The following NMBR variants were observed in gnomAD, a reference collection of about 807,000 sequenced individuals.
The protein encoded by NMBR is neuromedin-B receptor.
In NMBR, 16 loss-of-function variants were observed where a neutral mutation model predicts 20.5. The observed-to-expected ratio is 0.78, with a 90% CI of 0.53 to 1.19. NMBR has a LOEUF of 1.19. NMBR is among the 50% of genes most tolerant of loss of function. NMBR has a pLI of 0.00. For synonymous variants in NMBR, 212 were observed against 196.6 expected, an observed-to-expected ratio of 1.08 and a Z score of -0.65; for missense variants, 582 against 499.1, an observed-to-expected ratio of 1.17 and a Z score of -1.58.
In NMBR at chr6:142,141,478, C is replaced by T. The variant is rs76345775; in HGVS notation, c.-664+5566G>A. On this transcript the variant is annotated intron_variant, in intron 1 of 3. Transcript: ENST00000258042. Reference sequence around the variant, plus strand: ...AAAAGAAGTTATATTGTGATTTTAACTGCTCACTTTCTGAAGTTGTGTTGC... The same window carrying T: ...AAAAGAAGTTATATTGTGATTTTAATTGCTCACTTTCTGAAGTTGTGTTGC... Among the ~76,000 whole-genome samples the T allele has an allele frequency of 9.1e-3, 1,385 of 151,582 alleles. 31 individuals are homozygous for T. The highest frequency in any genetic ancestry group is 0.032 in the African/African-American group (1,311 of 41,386).
chr6:142,081,461 G>T (rs1305125803), intron 2 of NMBR, among the ~76,000 whole-genome samples: 1 of 152,114 alleles, frequency 6.6e-6, no homozygotes, highest in East Asian at 1.9e-4. Context: ...CAGCAAGGAG[G>T]ATTATGAGCC....
chr6:142,112,349 G>A (rs919075766), intron 1 of NMBR, among the ~76,000 whole-genome samples: 3 of 152,162 alleles, frequency 2.0e-5, no homozygotes, highest in Non-Finnish European at 4.4e-5. Context: ...TGCAGCATAT[G>A]TCAGGAAAGC....
intron 1 of NMBR, among the ~76,000 whole-genome samples, chr6:142,096,039 C>T (rs1205004203): frequency 2.0e-5 from 3 of 151,946 alleles, no homozygotes; most frequent in Non-Finnish European, 4.4e-5. Flanking sequence ...TGATTCTTCT[C>T]TCTTTTCTTC....
At position 142,078,790 on chromosome 6, in the gene NMBR, G is replaced by A. The variant is rs570950524; in HGVS notation, c.536C>T (p.Ala179Val). The change falls in exon 3 of 4, where the codon GCG becomes GTG. Residue 179 changes from alanine (A) to valine (V), a missense_variant. Transcript: ENST00000258042. ...VVSVLLAVPE[A>V]VFSEVARISS... ...GATGCGAGCCACTTCTGAAAACACC[G>A]CTTCGGGAACTGCCAGCAACACGGA... 1.7e-5 allele frequency: 27 copies of A among 1,613,780 alleles called. No homozygotes were observed. The highest frequency in any genetic ancestry group is 3.3e-5 in the South Asian group (3 of 91,048).
At chr6:142,116,152 G>GT (rs1451673187) in intron 1 of NMBR, among the ~76,000 whole-genome samples, 1 of 151,842 alleles carries the variant, frequency 6.6e-6, no homozygotes, top group Non-Finnish European at 1.5e-5. Context: ...ATTTGGTACT[G>GT]TAAGTCCAAT....
rs183969136 is a variant in NMBR at position 142,127,851 on chromosome 6, T to C, written c.-664+19193A>G. Reference sequence around the variant, plus strand: ...TGTGTTGATTTTGTGTCCTGCAACTTTACTGAATTCATTTGTTAGTTCTAA... The same window carrying C: ...TGTGTTGATTTTGTGTCCTGCAACTCTACTGAATTCATTTGTTAGTTCTAA... On this transcript the variant is annotated intron_variant, in intron 1 of 3. Coordinates refer to ENST00000258042, the MANE Select transcript of NMBR (RefSeq NM_002511.4). Among the ~76,000 whole-genome samples, 60 of 152,210 alleles carry C rather than the reference T, an allele frequency of 3.9e-4. No individual in the cohort carries two copies. The East Asian group carries it at 4.8e-3, about 12-fold the overall frequency.
chr6:142,136,739 T>A (rs1309396859), intron 1 of NMBR, among the ~76,000 whole-genome samples: 1 of 152,202 alleles, frequency 6.6e-6, no homozygotes, highest in Non-Finnish European at 1.5e-5. Context: ...CCAGCACCAT[T>A]TATTAAATAG....
At chr6:142,122,730 C>T (rs996804587) in intron 1 of NMBR, among the ~76,000 whole-genome samples, 8 of 151,872 alleles carry the variant, frequency 5.3e-5, no homozygotes, top group South Asian at 4.1e-4. Context: ...TCTACTCTGC[C>T]TGCATTCTAT....
At chr6:142,099,680 GA>G (rs891687167) in intron 1 of NMBR, among the ~76,000 whole-genome samples, 32 of 151,930 alleles carry the variant, frequency 2.1e-4, no homozygotes, top group South Asian at 4.2e-4. Context: ...GATAATCCAA[GA>G]AAAAAATAAT....
At chr6:142,144,641 A>C (rs1778402338) in intron 1 of NMBR, among the ~76,000 whole-genome samples, 1 of 152,204 alleles carries the variant, frequency 6.6e-6, no homozygotes, top group South Asian at 2.1e-4. Context: ...AACAAGAAAA[A>C]GCAACCTCAC....
rs139984675 is a variant in NMBR at position 142,088,398 on chromosome 6, G to T, written c.261C>A (p.Ala87=). The change falls in exon 2 of 4, where the codon GCC becomes GCA. Residue 87 remains alanine, a synonymous_variant. Coordinates refer to ENST00000258042, the MANE Select transcript of NMBR (RefSeq NM_002511.4). ...AGGTGAGCAGCAGCAGCAAGTCCCC[G>T]GCCGCCAGGTTAGAGATGAAGATGT... ...VPNIFISNLA[A]GDLLLLLTCV... is the part of the protein sequence containing the mutation. The T allele has an allele frequency of 2.5e-6, 4 of 1,614,086 alleles. No individual in the cohort carries two copies. The highest frequency in any genetic ancestry group is 1.7e-5 in the Admixed American group (1 of 60,012).
rs779548798 is a variant in NMBR at position 142,078,739 on chromosome 6, G to C, written c.587C>G (p.Thr196Arg). ...TGTTTGAGGGTATGGGATACATGCT[G>C]TGAAGCTGCTATTATCCAAGCTACT... ...RISSLDNSSFTACIPYPQTDE... is the reference protein window; with the variant it reads ...RISSLDNSSFRACIPYPQTDE... Residue 196 changes from threonine (T) to arginine (R), a missense_variant, in exon 3 of 4, where the codon ACA becomes AGA. Physicochemically the swap from Thr to Arg is moderately conservative, Grantham distance 71. Transcript: ENST00000258042. The C allele has an allele frequency of 1.9e-6, 3 of 1,614,028 alleles. No individual in the cohort carries two copies. In the Admixed American group the frequency reaches 5.0e-5, roughly 27 times the overall value.
In NMBR at chr6:142,075,497, A is replaced by G. The variant is rs559053998; in HGVS notation, c.*151T>C. On this transcript the variant is annotated 3_prime_UTR_variant, in exon 4 of 4. Coordinates refer to ENST00000258042, the MANE Select transcript of NMBR (RefSeq NM_002511.4). The stretch of plus-strand genomic sequence containing the variant: ...TAGGAAATGAAAAGAGAAAAAATAA[A>G]GTCTAGTGTAGAGAAAAAATGTCTT... 1.9e-4 allele frequency: 118 copies of G among 611,706 alleles called. No individual in the cohort carries two copies. The highest frequency in any genetic ancestry group is 8.0e-4 in the Middle Eastern group (3 of 3,732). The allele number at this position is 611,706 out of a possible 1,614,324, so 37.9% of individuals were successfully genotyped here. A position where few individuals can be genotyped will look rare whatever the true frequency, so the allele number is the denominator to read the frequency against.
At chr6:142,128,487 T>C (rs988877339) in intron 1 of NMBR, among the ~76,000 whole-genome samples, 2 of 152,084 alleles carry the variant, frequency 1.3e-5, no homozygotes, top group Non-Finnish European at 2.9e-5. Flanking sequence ...CCATTGATTA[T>C]GATGTTAGCA....
chr6:142,075,768 G>C lies in NMBR; in HGVS notation c.1053C>G (p.Thr351=), dbSNP rs138140993. 624 of 1,613,924 alleles carry C rather than the reference G, an allele frequency of 3.9e-4. No homozygotes were observed. Among genetic ancestry groups the C allele is most frequent in the Non-Finnish European group, 5.1e-4 (607 of 1,179,952 alleles). ...CCGCTGAAGAGCTGAGTAGGTAGCT[G>C]GTTCCTCTCTCTTGATAGGACTTCC... ...CGRKSYQERG[T]SYLLSSSAVR... The change falls in exon 4 of 4, where the codon ACC becomes ACG. Residue 351 remains threonine, a synonymous_variant. Coordinates refer to ENST00000258042, the MANE Select transcript of NMBR (RefSeq NM_002511.4).
chr6:142,134,001 G>C (rs978699166), intron 1 of NMBR: 2 of 702,136 alleles, frequency 2.8e-6, no homozygotes, highest in African/African-American at 3.5e-5. Flanking sequence ...AACCTCTTCT[G>C]TTACAATCAG....
intron 1 of NMBR, among the ~76,000 whole-genome samples, chr6:142,101,602 T>G (rs1356571115): frequency 6.6e-6 from 1 of 152,186 alleles, no homozygotes; most frequent in Non-Finnish European, 1.5e-5. Flanking sequence ...AGGATCGATC[T>G]TTTTCTTTAA....
chr6:142,078,937 A>AAGAAAGGAAAGAAAAAAG, intron 2 of NMBR, 34 bp from the exon 3 acceptor site: 2 of 1,381,784 alleles, frequency 1.4e-6, no homozygotes, highest in Non-Finnish European at 2.0e-6. Context: ...TTATTCCAGA[A>AAGAAAGGAAAGAAAAAAG]AGAAAGGAAA....
chr6:142,121,936 A>T (rs1235271062), intron 1 of NMBR, among the ~76,000 whole-genome samples: 2 of 151,856 alleles, frequency 1.3e-5, no homozygotes, highest in Non-Finnish European at 2.9e-5. Flanking sequence ...ATGATCCCAG[A>T]CCACACTCCA....
Sources: gnomAD v4.1 joint callset for allele counts (sites outside exome capture counted in the v4.1 genomes callset) on GRCh38, gnomAD v4.1.1 for gene constraint, MANE v1.5 for transcripts, NCBI Gene and HGNC (gene_info 2026-07-23, HGNC 2026-07-21) for gene names.